The following TTN variants were observed in gnomAD, a reference collection of about 807,000 sequenced individuals.
TTN encodes the protein connectin.
In TTN, 1,525 loss-of-function variants were observed where a neutral mutation model predicts 3,223.0. That is an observed-to-expected ratio of 0.47 (90% confidence interval 0.45 to 0.49). The LOEUF (loss-of-function observed/expected upper bound fraction) is 0.49, where lower values mean the gene tolerates loss of function less well. TTN is among the 20% of genes least tolerant of loss of function. The probability of loss-of-function intolerance (pLI) is 0.00; values close to 1 mark genes in which losing one functional copy is unlikely to be tolerated. For missense variants in TTN, 40,786 were observed against 43,424.0 expected (o/e 0.94, Z 5.40); for synonymous variants, 14,094 against 15,161.0 (o/e 0.93, Z 5.17).
Position 178,647,082 on chromosome 2 carries a change from CT to C in TTN, c.40203del (p.Glu13402ArgfsTer30). 1.5e-6 allele frequency: 2 copies of C among 1,364,694 alleles called. No individual in the cohort carries two copies. The highest frequency in any genetic ancestry group is 1.9e-6 in the Non-Finnish European group (2 of 1,043,788). The allele number at this position is 1,364,694 out of a possible 1,614,324, so 84.5% of individuals were successfully genotyped here. On this transcript the variant is annotated frameshift_variant, in exon 215 of 363. Transcript: ENST00000589042. LOFTEE classifies it high-confidence loss of function. ...EEKASITIGRKETPPVEEREI... is the reference protein window; with the variant it reads ...EEKASITIGRXETPPVEEREI... ...TATATACCTTCAACAGGGGGAGTCT[CT>C]TTTCTACCAATGGTTATAGATGCTT...
chr2:178,750,313 A>G (rs766429535), intron 47 of TTN: 9 of 1,613,114 alleles, frequency 5.6e-6, no homozygotes, highest in Non-Finnish European at 5.9e-6. Flanking sequence ...CTTTAAGCAT[A>G]CTGGTTGTTT....
chr2:178,731,672 C>T lies in TTN; in HGVS notation c.17182+21G>A, dbSNP rs746221090. Reference sequence around the variant, plus strand: ...ATTGACTCTTCAGAAAAGCCAGTCCCTCACTGGAACCAACACTAACCTCTT... The same window carrying T: ...ATTGACTCTTCAGAAAAGCCAGTCCTTCACTGGAACCAACACTAACCTCTT... On this transcript the variant is annotated intron_variant, in intron 58 of 362. Coordinates refer to ENST00000589042, the MANE Select transcript of TTN (RefSeq NM_001267550.2). 3.1e-6 allele frequency: 5 copies of T among 1,592,038 alleles called. No homozygotes were observed. In the East Asian group the frequency reaches 9.0e-5, roughly 29 times the overall value.
Position 178,551,106 on chromosome 2 carries a change from G to A in TTN, c.91425C>T (p.Asp30475=), listed in dbSNP as rs145133144. The change falls in exon 336 of 363, where the codon GAC becomes GAT. Residue 30475 remains aspartate (D), a synonymous_variant. Coordinates refer to ENST00000589042, the MANE Select transcript of TTN (RefSeq NM_001267550.2). ...NERWVRCNFT[D]VSECQYTVTG... is the part of the protein sequence containing the mutation. ...TAACTGTGTACTGACATTCACTGAC[G>A]TCAGTAAAGTTGCATCTCACCCAGC... The A allele has an allele frequency of 1.3e-4, 202 of 1,613,350 alleles. 1 individual carries two copies. The highest frequency in any genetic ancestry group is 6.6e-4 in the Middle Eastern group (4 of 6,058).
At position 178,692,533 on chromosome 2, in the gene TTN, G is replaced by A. The variant is rs1359186083; in HGVS notation, c.31642C>T (p.Pro10548Ser). 2 of 1,583,652 alleles carry A rather than the reference G, an allele frequency of 1.3e-6. No homozygotes were observed. Among genetic ancestry groups the A allele is most frequent in the Non-Finnish European group, 1.7e-6 (2 of 1,165,246 alleles). ...KPAPEEVAPV[P>S]IPKKVEPPAP... ...GGGGGCTCCACTTTTTTAGGGATAG[G>A]AACAGGGGCCACTTCTTCTGGAGCT... The change falls in exon 120 of 363, where the codon CCT becomes TCT. Residue 10548 changes from proline to serine, a missense_variant. Physicochemically the swap from Pro to Ser is moderately conservative, Grantham distance 74. Transcript: ENST00000589042.
chr2:178,599,425 C>T lies in TTN; in HGVS notation c.56368G>A (p.Gly18790Arg). 1 of 1,544,322 alleles carries T rather than the reference C, an allele frequency of 6.5e-7. No homozygotes were observed. The highest frequency in any genetic ancestry group is 8.7e-7 in the Non-Finnish European group (1 of 1,148,274). Residue 18790 changes from glycine (G) to arginine (R), a missense_variant, in exon 290 of 363, where the codon GGA becomes AGA. Coordinates refer to ENST00000589042, the MANE Select transcript of TTN (RefSeq NM_001267550.2). ...GAAACAGATTCAAATTTTATGGGTCCCACTGGAGGGCCAGGACGACCTAAA... is the reference window on the plus strand; with the variant it reads ...GAAACAGATTCAAATTTTATGGGTCTCACTGGAGGGCCAGGACGACCTAAA... ...NVLGRPGPPV[G>R]PIKFESVSAD... is the part of the protein sequence containing the mutation.
At chr2:178,676,079 C>A in intron 147 of TTN, 84 bp from the exon 148 acceptor site, 3 of 1,300,180 alleles carry the variant, frequency 2.3e-6, no homozygotes, top group Non-Finnish European at 2.1e-6. Flanking sequence ...CCAGAAAGAC[C>A]AATGTGTTAA....
At chr2:178,798,618 A>T (rs1387307499) in intron 6 of TTN, 1 of 152,204 alleles carries the variant, frequency 6.6e-6, no homozygotes, top group African/African-American at 2.4e-5. Context: ...GCTTGAGATC[A>T]TTCTTATTGT....
chr2:178,586,463 A>G (rs765436682), intron 308 of TTN, 42 bp downstream of exon 308: 2 of 1,595,252 alleles, frequency 1.3e-6, no homozygotes, highest in South Asian at 1.1e-5. Context: ...AGAAATTCTA[A>G]TAAACTTACC....
Position 178,590,608 on chromosome 2 carries a change from CAGGTGGTTTG to C in TTN, c.61107_61116del (p.Ile20369MetfsTer9), listed in dbSNP as rs1339869959. 1 of 1,612,810 alleles carries C rather than the reference CAGGTGGTTTG, an allele frequency of 6.2e-7. No homozygotes were observed. On this transcript the variant is annotated frameshift_variant, in exon 304 of 363. Coordinates refer to ENST00000589042, the MANE Select transcript of TTN (RefSeq NM_001267550.2). LOFTEE classifies it high-confidence loss of function. ...TTCAGTTTAGGATTAATAGGTGGTCCAGGTGGTTTGATGGGCCGGCAAGCTTTTATTGGAT... is the reference window on the plus strand; with the variant it reads ...TTCAGTTTAGGATTAATAGGTGGTCCATGGGCCGGCAAGCTTTTATTGGAT...
At position 178,779,051 on chromosome 2, in the gene TTN, T is replaced by A; in HGVS notation, c.4031A>T (p.Asp1344Val). Residue 1344 changes from aspartate (D) to valine (V), a missense_variant, in exon 24 of 363, where the codon GAT becomes GTT. By Grantham distance (152) the Asp-to-Val change is radical. Coordinates refer to ENST00000589042, the MANE Select transcript of TTN (RefSeq NM_001267550.2). ...GERYQMDFLQ[D>V]GRASLRIPVV... ...AGGTATACGCAGACTAGCTCTGCCA[T>A]CTTGTAGAAAGTCCATTTGGTATCT... is the stretch of plus-strand genomic sequence containing the variant. The A allele has an allele frequency of 6.2e-7, 1 of 1,614,048 alleles. No homozygotes were observed. Among genetic ancestry groups the A allele is most frequent in the Non-Finnish European group, 8.5e-7 (1 of 1,179,958 alleles).
In TTN at chr2:178,621,700, C is replaced by T; in HGVS notation, c.45124G>A (p.Val15042Ile). Residue 15042 changes from valine to isoleucine, a missense_variant, in exon 245 of 363, where the codon GTT (valine) becomes ATT (isoleucine). Transcript: ENST00000589042. ...VFTKNLANIE[V>I]SETDTIKLVC... ...AGTTTTATAGTGTCTGTTTCACTAA[C>T]TTCAATGTTGGCAAGATTTTTGGTA... 1 of 1,611,946 alleles carries T rather than the reference C, an allele frequency of 6.2e-7. No homozygotes were observed. The highest frequency in any genetic ancestry group is 8.5e-7 in the Non-Finnish European group (1 of 1,178,974).
Position 178,632,411 on chromosome 2 carries a change from T to C in TTN, c.43483A>G (p.Ile14495Val). 6.3e-7 allele frequency: 1 copy of C among 1,579,252 alleles called. No homozygotes were observed. Among genetic ancestry groups the C allele is most frequent in the South Asian group, 1.2e-5 (1 of 84,306 alleles). Residue 14495 changes from isoleucine (I) to valine (V), a missense_variant and splice_region_variant, in exon 236 of 363, where the codon ATC (isoleucine) becomes GTC (valine). Transcript: ENST00000589042. ...HTSGKLIIEG[I>V]RLKFLTPLKD... is the part of the protein sequence containing the mutation. Reference sequence around the variant, plus strand: ...AGAGGGGTGAGGAATTTGAGCCGGATTCCTATCAAGAAAAAAAAGAAAGAA... The same window carrying C: ...AGAGGGGTGAGGAATTTGAGCCGGACTCCTATCAAGAAAAAAAAGAAAGAA...
rs374741129 is a variant in TTN at position 178,557,117 on chromosome 2, T to C, written c.88037A>G (p.Asp29346Gly). The C allele has an allele frequency of 6.2e-7, 1 of 1,613,578 alleles. No homozygotes were observed. The highest frequency in any genetic ancestry group is 8.5e-7 in the Non-Finnish European group (1 of 1,179,772). ...CEPPRNVRIT[D>G]ISKNSVSLSW... ...AAGGCTGACAGAGTTCTTTGAAATA[T>C]CAGTGATACGAACATTTCTTGGGGG... The change falls in exon 330 of 363, where the codon GAT becomes GGT. Residue 29346 changes from aspartate to glycine, a missense_variant. Asp to Gly is a moderately conservative substitution (Grantham distance 94, BLOSUM62 -1). Transcript: ENST00000589042.
In TTN at chr2:178,531,174, C is replaced by G; in HGVS notation, c.105441G>C (p.Arg35147Ser). 6.2e-7 allele frequency: 1 copy of G among 1,613,964 alleles called. No homozygotes were observed. The highest frequency in any genetic ancestry group is 8.5e-7 in the Non-Finnish European group (1 of 1,179,858). Residue 35147 changes from arginine (R) to serine (S), a missense_variant, in exon 358 of 363, where the codon AGG becomes AGC. Arg to Ser is a moderately radical substitution (Grantham distance 110). Transcript: ENST00000589042. ...GCTCACCATCGGTGTCACAAGAAAACCTTGCAGACTCGCCCTCGTAGACGG... is the reference window on the plus strand; with the variant it reads ...GCTCACCATCGGTGTCACAAGAAAAGCTTGCAGACTCGCCCTCGTAGACGG... The part of the protein sequence containing the change: ...SMTVYEGESA[R>S]FSCDTDGEPV...
chr2:178,558,956 T>C (rs966509436), intron 326 of TTN: 1 of 386,766 alleles, frequency 2.6e-6, no homozygotes, highest in African/African-American at 2.2e-5. Flanking sequence ...ATATACAATT[T>C]CTGTACACAC....
intron 47 of TTN, chr2:178,749,496 C>T (rs774615523): frequency 6.2e-7 from 1 of 1,612,862 alleles, no homozygotes; most frequent in East Asian, 2.2e-5. Flanking sequence ...ACTGAATATT[C>T]TTTTACATTT....
In TTN at chr2:178,745,103, A is replaced by C. The variant is rs966228345; in HGVS notation, c.11312-3182T>G. On this transcript the variant is annotated intron_variant, in intron 47 of 362. Transcript: ENST00000589042. Reference sequence around the variant, plus strand: ...TTGCCTATTCTAAGTCAAAGTAAATAAACATGAGTTTGGATGCAAAGGGGT... The same window carrying C: ...TTGCCTATTCTAAGTCAAAGTAAATCAACATGAGTTTGGATGCAAAGGGGT... 5.1e-6 allele frequency: 5 copies of C among 988,320 alleles called. No homozygotes were observed. The African/African-American group carries it at 8.7e-5, about 17-fold the overall frequency. 61.2% of individuals were successfully genotyped at this position (988,320 alleles called of 1,614,324 possible). A position where few individuals can be genotyped will look rare whatever the true frequency, so the allele number is the denominator to read the frequency against.
chr2:178,753,990 T>C (rs1340955743), intron 46 of TTN: 2 of 152,146 alleles, frequency 1.3e-5, no homozygotes, highest in Non-Finnish European at 2.9e-5. Context: ...TTGTAAGTGC[T>C]CTGGCTTGCG....
Position 178,739,530 on chromosome 2 carries a change from T to TC in TTN, c.13702dup (p.Glu4568GlyfsTer15). 1 of 1,613,842 alleles carries TC rather than the reference T, an allele frequency of 6.2e-7. No individual in the cohort carries two copies. Among genetic ancestry groups the TC allele is most frequent in the Non-Finnish European group, 8.5e-7 (1 of 1,179,822 alleles). ...TTTTTCCTCTGATGGTTTCAGACTC[T>TC]CATCTTGTTTTTCGTCAGAGACAAC... On this transcript the variant is annotated frameshift_variant, in exon 48 of 363. Transcript: ENST00000589042. LOFTEE classifies it high-confidence loss of function.
Sources: allele counts gnomAD v4.1 joint callset, GRCh38; gene constraint gnomAD v4.1.1; transcripts MANE v1.5; gene names NCBI Gene and HGNC (gene_info 2026-07-23, HGNC 2026-07-21).